Variants in NDUFB8 observed in about 807,000 individuals in gnomAD.
NDUFB8 encodes the protein NADH:ubiquinone oxidoreductase subunit B8.
In NDUFB8, 17 loss-of-function variants were observed where a neutral mutation model predicts 26.0. That is an observed-to-expected ratio of 0.65 (90% CI 0.45 to 0.98). The LOEUF is 0.98. Among genes scored for constraint, NDUFB8 ranks in the 50% least tolerant of loss-of-function variants. The probability of loss-of-function intolerance (pLI) is 0.00; values close to 1 mark genes in which losing one functional copy is unlikely to be tolerated. For missense variants in NDUFB8, 238 were observed against 255.0 expected (o/e 0.93, Z 0.45); for synonymous variants, 89 against 93.1 (o/e 0.96, Z 0.25).
rs1681751315 is a variant in NDUFB8, at chr10:100,529,519, A to G, written c.86-13T>C. The G allele has an allele frequency of 6.2e-7, 1 of 1,611,944 alleles. No individual in the cohort carries two copies. Among genetic ancestry groups the G allele is most frequent in the African/African-American group, 1.3e-5 (1 of 74,848 alleles). Reference sequence around the variant, plus strand: ...GTCATGTGGGAGGCTAGAACGCAGAAGAGAACAGGTCAGAAGCGAGCCCGC... The same window carrying G: ...GTCATGTGGGAGGCTAGAACGCAGAGGAGAACAGGTCAGAAGCGAGCCCGC... On this transcript the variant is annotated splice_polypyrimidine_tract_variant and intron_variant, in intron 1 of 4. Coordinates refer to ENST00000299166, the MANE Select transcript of NDUFB8 (RefSeq NM_005004.4).
In NDUFB8 at chr10:100,524,953, A is replaced by G. The variant is rs2133709135; in HGVS notation, c.469-1024T>C. 6.6e-6 allele frequency among the ~76,000 whole-genome samples: 1 copy of G among 152,354 alleles called. No homozygotes were observed. Among genetic ancestry groups the G allele is most frequent in the Admixed American group, 6.5e-5 (1 of 15,308 alleles). ...TGTTCAATTAATGCTTTATTACACCATCAAGTCCAAATCCCTTAGCAATGA... is the reference window on the plus strand; with the variant it reads ...TGTTCAATTAATGCTTTATTACACCGTCAAGTCCAAATCCCTTAGCAATGA... On this transcript the variant is annotated intron_variant, in intron 4 of 4. Transcript: ENST00000299166. This position sits in a 1 kb window ranked among gnomAD's most constrained non-coding sequence, Gnocchi z 4.0.
Position 100,524,900 on chromosome 10 carries a change from G to A in NDUFB8, c.469-971C>T, listed in dbSNP as rs1369622154. Among the ~76,000 whole-genome samples the A allele has an allele frequency of 6.6e-6, 1 of 152,104 alleles. No individual in the cohort carries two copies. The highest frequency in any genetic ancestry group is 1.5e-5 in the Non-Finnish European group (1 of 68,032). ...CCAACCGCTAGCACAGTCTGCATCT[G>A]GTACATAGTACAGGCTCCATAAATA... On this transcript the variant is annotated intron_variant, in intron 4 of 4. Coordinates refer to ENST00000299166, the MANE Select transcript of NDUFB8 (RefSeq NM_005004.4). This position sits in a 1 kb window ranked among gnomAD's most constrained non-coding sequence, Gnocchi z 4.0.
chr10:100,525,407 C>A (rs1852026616), intron 4 of NDUFB8, among the ~76,000 whole-genome samples: 1 of 152,046 alleles, frequency 6.6e-6, no homozygotes, highest in African/African-American at 2.4e-5. Context: ...CAGGCACGCA[C>A]CACCATGCCT....
chr10:100,527,422 G>A (rs1852071187), intron 2 of NDUFB8, among the ~76,000 whole-genome samples: 1 of 152,134 alleles, frequency 6.6e-6, no homozygotes. Flanking sequence ...GGTCAACATG[G>A]TGAAACCCCA....
intron 3 of NDUFB8, 104 bp from the exon 4 acceptor site, chr10:100,526,658 A>C (rs1249242937): frequency 7.3e-7 from 1 of 1,368,680 alleles, no homozygotes; most frequent in Non-Finnish European, 1.0e-6. Flanking sequence ...GAAGCATTCT[A>C]CTGCCCTGGG....
intron 4 of NDUFB8, among the ~76,000 whole-genome samples, chr10:100,525,575 CT>C (rs1852029932): frequency 6.6e-6 from 1 of 151,896 alleles, no homozygotes; most frequent in East Asian, 1.9e-4. Context: ...ATTGTTTTCT[CT>C]TGCCCCAAAT....
At position 100,524,668 on chromosome 10, in the gene NDUFB8, T is replaced by C. The variant is rs370875649; in HGVS notation, c.469-739A>G. The stretch of plus-strand genomic sequence containing the variant: ...AGACATACCAGCTACCTTCAGGACA[T>C]TGATTGTCTCTGCAGAGGTAGCACT... On this transcript the variant is annotated intron_variant, in intron 4 of 4. Coordinates refer to ENST00000299166, the MANE Select transcript of NDUFB8 (RefSeq NM_005004.4). The surrounding 1 kb of genome is among the most constrained non-coding windows in gnomAD (Gnocchi z 4.0). 6.6e-6 allele frequency among the ~76,000 whole-genome samples: 1 copy of C among 152,212 alleles called. No homozygotes were observed. Among genetic ancestry groups the C allele is most frequent in the East Asian group, 1.9e-4 (1 of 5,202 alleles).
Position 100,524,241 on chromosome 10 carries a change from G to C in NDUFB8, c.469-312C>G, listed in dbSNP as rs1852007256. 1.9e-6 allele frequency: 2 copies of C among 1,047,170 alleles called. No individual in the cohort carries two copies. Among genetic ancestry groups the C allele is most frequent in the African/African-American group, 1.6e-5 (1 of 62,918 alleles). 64.9% of individuals were successfully genotyped at this position (1,047,170 alleles called of 1,614,324 possible). A position where few individuals can be genotyped will look rare whatever the true frequency, so the allele number is the denominator to read the frequency against. On this transcript the variant is annotated intron_variant, in intron 4 of 4. Transcript: ENST00000299166. The surrounding 1 kb of genome is among the most constrained non-coding windows in gnomAD (Gnocchi z 4.0). ...TAAAGAAAGAGAGAAGAGTGTGTTAGAGTCAGAGGCAACACTTTCTAAATG... is the reference window on the plus strand; with the variant it reads ...TAAAGAAAGAGAGAAGAGTGTGTTACAGTCAGAGGCAACACTTTCTAAATG...
intron 2 of NDUFB8, among the ~76,000 whole-genome samples, 175 bp from the exon 3 acceptor site, chr10:100,527,249 A>G (rs1162857317): frequency 6.6e-6 from 1 of 152,230 alleles, no homozygotes; most frequent in Non-Finnish European, 1.5e-5. Flanking sequence ...AGAATTAACC[A>G]TAGAAGTCCA....
chr10:100,527,601 G>GA (rs564032413), intron 2 of NDUFB8, among the ~76,000 whole-genome samples: 139 of 151,744 alleles, frequency 9.2e-4, no homozygotes, highest in Middle Eastern at 6.8e-3. Flanking sequence ...GAAACTGTCT[G>GA]AAAAAAACAA....
Position 100,529,761 on chromosome 10 carries a change from G to A in NDUFB8, c.85+6C>T, listed in dbSNP as rs762455492. ...CCACACTGAGGTCTCGCCCGTTCTC[G>A]CGGACCTGTCCGTGCGCCCAGCGGC... On this transcript the variant is annotated splice_donor_region_variant and intron_variant, in intron 1 of 4. Coordinates refer to ENST00000299166, the MANE Select transcript of NDUFB8 (RefSeq NM_005004.4). The A allele has an allele frequency of 2.0e-5, 33 of 1,612,550 alleles. No homozygotes were observed. The highest frequency in any genetic ancestry group is 3.3e-4 in the Middle Eastern group (2 of 6,058).
chr10:100,525,004 C>T (rs1852019307), intron 4 of NDUFB8, among the ~76,000 whole-genome samples: 1 of 152,164 alleles, frequency 6.6e-6, no homozygotes. Flanking sequence ...ACCTAACTGA[C>T]CAACTTACCT....
chr10:100,526,677 C>T (rs1291754460), intron 3 of NDUFB8, 123 bp from the exon 4 acceptor site: 1 of 1,229,568 alleles, frequency 8.1e-7, no homozygotes, highest in Non-Finnish European at 1.1e-6. Context: ...GGACAATATG[C>T]TGAGAACCAG....
chr10:100,527,146 A>C, intron 2 of NDUFB8, 72 bp from the exon 3 acceptor site: 1 of 1,265,514 alleles, frequency 7.9e-7, no homozygotes, highest in Non-Finnish European at 1.1e-6. Flanking sequence ...CTCATCTTAT[A>C]GATGAGAAAC....
At chr10:100,529,906 C>A, upstream of NDUFB8, 12 of 1,572,660 alleles carry the variant, frequency 7.6e-6, no homozygotes, top group South Asian at 1.4e-4. Flanking sequence ...GTCACGGCGG[C>A]TGAGCCGGGC....
At position 100,524,819 on chromosome 10, in the gene NDUFB8, G is replaced by A. The variant is rs1226076470; in HGVS notation, c.469-890C>T. On this transcript the variant is annotated intron_variant, in intron 4 of 4. Coordinates refer to ENST00000299166, the MANE Select transcript of NDUFB8 (RefSeq NM_005004.4). The surrounding 1 kb of genome is among the most constrained non-coding windows in gnomAD (Gnocchi z 4.0). The stretch of plus-strand genomic sequence containing the variant: ...CATTCATTATGTCACTTTTCTGTTC[G>A]AAAACCCAAAATGGCTCCCTGCCAC... 1.3e-5 allele frequency among the ~76,000 whole-genome samples: 2 copies of A among 152,126 alleles called. No individual in the cohort carries two copies. The highest frequency in any genetic ancestry group is 1.9e-4 in the East Asian group (1 of 5,188).
Position 100,529,842 on chromosome 10 carries a change from C to T in NDUFB8, c.10G>A (p.Ala4Thr). 1.9e-6 allele frequency: 3 copies of T among 1,613,810 alleles called. No individual in the cohort carries two copies. The highest frequency in any genetic ancestry group is 1.7e-5 in the Admixed American group (1 of 59,986). MAV[A>T]RAGVLGVQWL... ...TGGACTCCCAAGACCCCGGCCCTGGCCACCGCCATCTTCACCTTCTTCACG... is the reference window on the plus strand; with the variant it reads ...TGGACTCCCAAGACCCCGGCCCTGGTCACCGCCATCTTCACCTTCTTCACG... The change falls in exon 1 of 5, where the codon GCC (alanine) becomes ACC (threonine). Residue 4 changes from alanine (A) to threonine (T), a missense_variant. Physicochemically the swap from Ala to Thr is moderately conservative, Grantham distance 58 (BLOSUM62 0). Transcript: ENST00000299166.
In NDUFB8 at chr10:100,527,429, C is replaced by A. The variant is rs565174489; in HGVS notation, c.213-355G>T. On this transcript the variant is annotated intron_variant, in intron 2 of 4. Transcript: ENST00000299166. Reference sequence around the variant, plus strand: ...ACCAGACTGGTCAACATGGTGAAACCCCACCTTTACTAAAAATACAAAAAT... The same window carrying A: ...ACCAGACTGGTCAACATGGTGAAACACCACCTTTACTAAAAATACAAAAAT... 6.0e-4 allele frequency among the ~76,000 whole-genome samples: 91 copies of A among 152,124 alleles called. 1 individual carries two copies. The South Asian group carries it at 0.019, about 32-fold the overall frequency.
Position 100,529,839 on chromosome 10 carries a change from T to A in NDUFB8, c.13A>T (p.Arg5Trp). 2 of 1,605,392 alleles carry A rather than the reference T, an allele frequency of 1.2e-6. No homozygotes were observed. The highest frequency in any genetic ancestry group is 1.7e-6 in the Non-Finnish European group (2 of 1,175,758). Residue 5 changes from arginine (R) to tryptophan (W), a missense_variant, in exon 1 of 5, where the codon AGG (arginine) becomes TGG (tryptophan). Physicochemically the swap from Arg to Trp is moderately radical, Grantham distance 101 (BLOSUM62 -3). Transcript: ENST00000299166. ...CACTGGACTCCCAAGACCCCGGCCCTGGCCACCGCCATCTTCACCTTCTTC... is the reference window on the plus strand; with the variant it reads ...CACTGGACTCCCAAGACCCCGGCCCAGGCCACCGCCATCTTCACCTTCTTC... MAVA[R>W]AGVLGVQWLQ... is the part of the protein sequence containing the mutation.
Sources: gnomAD v4.1 joint callset for allele counts (sites outside exome capture counted in the v4.1 genomes callset) on GRCh38, gnomAD v4.1.1 for gene constraint, Gnocchi (gnomAD v3.1) non-coding constraint, MANE v1.5 for transcripts, NCBI Gene and HGNC (gene_info 2026-07-23, HGNC 2026-07-21) for gene names.